OPCML: variants seen among roughly 807,000 people sequenced by gnomAD.
The protein encoded by OPCML is opioid-binding protein/cell adhesion molecule.
Under a neutral mutation model 37.8 loss-of-function variants are expected in OPCML, and 13 were observed. That is an observed-to-expected ratio of 0.34 (90% CI 0.22 to 0.55). The LOEUF is 0.55. Ranked by LOEUF, OPCML falls within the 20% of genes least tolerant of loss-of-function variation. The pLI, the probability that OPCML is intolerant of heterozygous loss-of-function variation, is 0.91. For synonymous variants in OPCML, 176 were observed against 168.8 expected (o/e 1.04, Z -0.33); for missense variants, 341 against 435.6 (o/e 0.78, Z 1.93).
chr11:133,505,292 G>C (rs1266697245), intron 1 of OPCML, among the ~76,000 whole-genome samples: 1 of 152,198 alleles, frequency 6.6e-6, no homozygotes, highest in Non-Finnish European at 1.5e-5. Context: ...AGGCCTCCTG[G>C]GCAGGGACAA....
intron 2 of OPCML, among the ~76,000 whole-genome samples, chr11:132,661,381 G>A (rs182719141): frequency 3.3e-4 from 50 of 152,232 alleles, no homozygotes; most frequent in African/African-American, 1.2e-3. Context: ...ATGTTGCTCT[G>A]CTTCAAAAGA....
intron 1 of OPCML, among the ~76,000 whole-genome samples, chr11:133,178,179 G>T (rs1235915356): frequency 6.6e-6 from 1 of 152,112 alleles, no homozygotes; most frequent in Non-Finnish European, 1.5e-5. Flanking sequence ...CAAGCCTCAG[G>T]CCCAAAATGG....
At chr11:133,421,550 G>A in intron 1 of OPCML, 2 of 985,430 alleles carry the variant, frequency 2.0e-6, no homozygotes, top group Non-Finnish European at 2.4e-6. Context: ...GTAGAGTTGG[G>A]ATTGTTGATT....
chr11:132,455,629 T>A (rs2096080152), intron 4 of OPCML, among the ~76,000 whole-genome samples: 2 of 152,234 alleles, frequency 1.3e-5, no homozygotes, highest in Admixed American at 1.3e-4. Flanking sequence ...GGTCTCAGTG[T>A]AGACACTACA....
At chr11:132,572,969 T>C (rs2096442007) in intron 3 of OPCML, among the ~76,000 whole-genome samples, 1 of 151,996 alleles carries the variant, frequency 6.6e-6, no homozygotes, top group Non-Finnish European at 1.5e-5. Flanking sequence ...TTCACCTCTA[T>C]AGTTAAGTTT....
intron 1 of OPCML, among the ~76,000 whole-genome samples, chr11:133,388,526 T>A (rs960782780): frequency 5.3e-5 from 8 of 152,154 alleles, no homozygotes; most frequent in Non-Finnish European, 5.9e-5. Flanking sequence ...CTCAAGGGTA[T>A]GGGTGTCATA....
At chr11:132,778,122 T>C (rs1245412700) in intron 2 of OPCML, among the ~76,000 whole-genome samples, 1 of 152,214 alleles carries the variant, frequency 6.6e-6, no homozygotes, top group Non-Finnish European at 1.5e-5. Context: ...TGTGATTAGA[T>C]AAACGAGGGA....
chr11:132,658,860 A>G (rs988697880), intron 2 of OPCML, among the ~76,000 whole-genome samples: 1 of 152,222 alleles, frequency 6.6e-6, no homozygotes, highest in Non-Finnish European at 1.5e-5. Context: ...CTTACTCCTT[A>G]TACACATGCA....
At chr11:133,006,894 A>G (rs1207383760) in intron 1 of OPCML, 5 of 985,346 alleles carry the variant, frequency 5.1e-6, no homozygotes, top group Non-Finnish European at 6.0e-6. Context: ...TATACCTGTC[A>G]TGGGGCCACC....
intron 1 of OPCML, among the ~76,000 whole-genome samples, chr11:133,327,109 G>C (rs1263404304): frequency 6.9e-6 from 1 of 145,156 alleles, no homozygotes; most frequent in Non-Finnish European, 1.5e-5. Context: ...TGTGTATGTG[G>C]GGGGAGGGTG....
Position 132,769,269 on chromosome 11 carries a change from G to A in OPCML, c.147-111950C>T, listed in dbSNP as rs187071263. 3.5e-5 allele frequency among the ~76,000 whole-genome samples: 5 copies of A among 142,920 alleles called. No homozygotes were observed. The East Asian group carries it at 7.9e-4, about 23-fold the overall frequency. The allele number at this position is 142,920 out of a possible 152,430, so 93.8% of individuals were successfully genotyped here. ...TTTTTTTTTTTTGAGACGGAGTCTC[G>A]CTCTGTTGCCCAGGCTGGAGTGCAG... On this transcript the variant is annotated intron_variant, in intron 2 of 7. Transcript: ENST00000524381.
chr11:132,804,265 T>C lies in OPCML; in HGVS notation c.146+138661A>G, dbSNP rs974905768. Among the ~76,000 whole-genome samples the C allele has an allele frequency of 1.3e-5, 2 of 152,166 alleles. 1 individual carries two copies. The highest frequency in any genetic ancestry group is 2.9e-5 in the Non-Finnish European group (2 of 68,032). Reference sequence around the variant, plus strand: ...GAGACAGTTTCCCAACCACATTGCATGAAGTCGGAGTTAAAGCAGAGTACT... The same window carrying C: ...GAGACAGTTTCCCAACCACATTGCACGAAGTCGGAGTTAAAGCAGAGTACT... On this transcript the variant is annotated intron_variant, in intron 2 of 7. Coordinates refer to ENST00000524381, the MANE Select transcript of OPCML (RefSeq NM_001012393.5).
chr11:132,838,636 G>T (rs2136296493), intron 2 of OPCML, among the ~76,000 whole-genome samples: 1 of 152,260 alleles, frequency 6.6e-6, no homozygotes, highest in South Asian at 2.1e-4. Flanking sequence ...GTCACAAGCT[G>T]CTATAATAAA....
At chr11:132,950,643 A>G (rs891864970) in intron 1 of OPCML, among the ~76,000 whole-genome samples, 2 of 152,204 alleles carry the variant, frequency 1.3e-5, no homozygotes, top group Non-Finnish European at 2.9e-5. Context: ...ATCATAAAAA[A>G]TAGTGGTAAA....
chr11:132,703,842 C>G (rs1233216994), intron 2 of OPCML, among the ~76,000 whole-genome samples: 1 of 152,148 alleles, frequency 6.6e-6, no homozygotes. Context: ...CAGGCCTCAG[C>G]CTGAGTCCAT....
chr11:133,479,530 C>A (rs1947328857), intron 1 of OPCML, among the ~76,000 whole-genome samples: 1 of 152,228 alleles, frequency 6.6e-6, no homozygotes, highest in Non-Finnish European at 1.5e-5. Context: ...AGAGCCCTCG[C>A]AGAACAGACT....
chr11:133,298,753 A>G (rs183544201), intron 1 of OPCML: 78 of 152,278 alleles, frequency 5.1e-4, no homozygotes, highest in East Asian at 3.3e-3. Context: ...AGTAGCCCCA[A>G]TGAACCTTGA....
At chr11:133,355,816 C>G (rs765301280) in intron 1 of OPCML, among the ~76,000 whole-genome samples, 2 of 152,144 alleles carry the variant, frequency 1.3e-5, no homozygotes, top group Non-Finnish European at 2.9e-5. Context: ...CAGAATAGGT[C>G]CCTAAAGGTT....
chr11:133,252,538 T>C (rs901231214), intron 1 of OPCML, among the ~76,000 whole-genome samples: 9 of 152,172 alleles, frequency 5.9e-5, no homozygotes, highest in African/African-American at 2.2e-4. Flanking sequence ...GGAGGTCCCA[T>C]TTCTGATTAA....
Sources: allele counts gnomAD v4.1 joint callset (sites outside exome capture counted in the v4.1 genomes callset), GRCh38; gene constraint gnomAD v4.1.1; transcripts MANE v1.5; gene names NCBI Gene and HGNC (gene_info 2026-07-23, HGNC 2026-07-21).